Variants in CD44 observed in about 807,000 individuals in gnomAD.
CD44 encodes CD44 antigen.
In CD44, 49 loss-of-function variants were observed where a neutral mutation model predicts 88.8. The observed-to-expected ratio is 0.55, with a 90% CI of 0.44 to 0.70. The LOEUF is 0.70. CD44 is among the 30% of genes least tolerant of loss of function. The probability of loss-of-function intolerance (pLI) is 0.00; values close to 1 mark genes in which losing one functional copy is unlikely to be tolerated. For missense variants in CD44, 883 were observed against 913.8 expected, an observed-to-expected ratio of 0.97 and a Z score of 0.43; for synonymous variants, 325 against 312.3, an observed-to-expected ratio of 1.04 and a Z score of -0.43.
chr11:35,230,931 C>G lies in CD44; in HGVS notation c.*1598C>G, dbSNP rs190309609. The G allele has an allele frequency of 2.3e-3, 350 of 152,674 alleles. 2 individuals are homozygous for G. Among genetic ancestry groups the G allele is most frequent in the Non-Finnish European group, 4.0e-3 (273 of 68,244 alleles). The allele number at this position is 152,674 out of a possible 1,614,324, so 9.5% of individuals were successfully genotyped here. A position where few individuals can be genotyped will look rare whatever the true frequency, so the allele number is the denominator to read the frequency against. ...GCTTAACAGGCAATGCTTCTCAGAC[C>G]ACAAAGCAGAAAGAAGAAGAAAAGC... On this transcript the variant is annotated 3_prime_UTR_variant, in exon 18 of 18. Coordinates refer to ENST00000428726, the MANE Select transcript of CD44 (RefSeq NM_000610.4).
chr11:35,197,836 T>A, intron 6 of CD44: 1 of 312,876 alleles, frequency 3.2e-6, no homozygotes, highest in Non-Finnish European at 5.8e-6. Flanking sequence ...TGTGGGGGAG[T>A]TTTCATTAGC....
intron 1 of CD44, 140 bp downstream of exon 1, chr11:35,139,510 G>A: frequency 1.3e-6 from 1 of 800,000 alleles, no homozygotes; most frequent in Non-Finnish European, 2.2e-6. Context: ...GCTCCGGAAA[G>A]CAGGGCTGGG....
chr11:35,182,007 A>G (rs1338258513), intron 3 of CD44, among the ~76,000 whole-genome samples: 1 of 114,306 alleles, frequency 8.7e-6, no homozygotes, highest in Admixed American at 1.4e-4. Flanking sequence ...ATTTATATAT[A>G]TGTATATATG....
chr11:35,197,962 G>A lies in CD44; in HGVS notation c.797-159G>A, dbSNP rs1489878781. 23 of 580,802 alleles carry A rather than the reference G, an allele frequency of 4.0e-5. 1 individual carries two copies. The highest frequency in any genetic ancestry group is 3.4e-4 in the South Asian group (12 of 34,850). 36.0% of individuals were successfully genotyped at this position (580,802 alleles called of 1,614,324 possible). A position where few individuals can be genotyped will look rare whatever the true frequency, so the allele number is the denominator to read the frequency against. On this transcript the variant is annotated intron_variant, in intron 6 of 17. Coordinates refer to ENST00000428726, the MANE Select transcript of CD44 (RefSeq NM_000610.4). ...GTTTTGAGATTTATGTATTAGCTTC[G>A]GAGATCAGAACATAAGAATTTGGGG...
Position 35,219,391 on chromosome 11 carries a change from A to G in CD44, c.1945+4A>G, listed in dbSNP as rs767348396. ...ATAAGGACACCCCAAATTCCAGGTGAGTTTCAAACTTTGAGGCAGAAAAAC... is the reference window on the plus strand; with the variant it reads ...ATAAGGACACCCCAAATTCCAGGTGGGTTTCAAACTTTGAGGCAGAAAAAC... On this transcript the variant is annotated splice_donor_region_variant and intron_variant, in intron 16 of 17. Coordinates refer to ENST00000428726, the MANE Select transcript of CD44 (RefSeq NM_000610.4). The G allele has an allele frequency of 5.0e-6, 8 of 1,611,478 alleles. No homozygotes were observed. In the South Asian group the frequency reaches 8.8e-5, roughly 18 times the overall value.
At chr11:35,191,255 T>C (rs921755727) in intron 5 of CD44, among the ~76,000 whole-genome samples, 1 of 152,204 alleles carries the variant, frequency 6.6e-6, no homozygotes, top group African/African-American at 2.4e-5. Flanking sequence ...GTACTGTGAT[T>C]TCATTTAAGG....
chr11:35,188,938 GA>G lies in CD44; in HGVS notation c.437-884del, dbSNP rs111969965. ...GGGCAACAGAGTGAGACTCCATCTC[GA>G]AAAAAAAAAAAAGTTTCATTTGAGC... On this transcript the variant is annotated intron_variant, in intron 4 of 17. Transcript: ENST00000428726. Among the ~76,000 whole-genome samples the G allele has an allele frequency of 1.5e-3, 201 of 138,482 alleles. 1 individual carries two copies. The highest frequency in any genetic ancestry group is 8.3e-3 in the East Asian group (40 of 4,846). 90.8% of individuals were successfully genotyped at this position (138,482 alleles called of 152,430 possible).
At chr11:35,201,883 C>G in intron 9 of CD44, 96 bp downstream of exon 9, 2 of 1,231,370 alleles carry the variant, frequency 1.6e-6, no homozygotes, top group Non-Finnish European at 2.3e-6. Context: ...GCCGCATCTT[C>G]TATTTCCACT....
chr11:35,206,169 A>G lies in CD44; in HGVS notation c.1340A>G (p.Asp447Gly), dbSNP rs1353079587. Residue 447 changes from aspartate to glycine, a missense_variant, in exon 11 of 18, where the codon GAC becomes GGC. Coordinates refer to ENST00000428726, the MANE Select transcript of CD44 (RefSeq NM_000610.4). ...MQGRTTPSPE[D>G]SSWTDFFNPI... ...GGAAGGACAACACCAAGCCCAGAGG[A>G]CAGTTCCTGGACTGATTTCTTCAAC... 1 of 1,612,300 alleles carries G rather than the reference A, an allele frequency of 6.2e-7. No homozygotes were observed. Among genetic ancestry groups the G allele is most frequent in the South Asian group, 1.1e-5 (1 of 90,806 alleles).
rs773614663 is a variant in CD44 at position 35,176,646 on chromosome 11, A to T, written c.139A>T (p.Thr47Ser). ...EKNGRYSISR[T>S]EAADLCKAFN... ...AAATGGTCGCTACAGCATCTCTCGG[A>T]CGGAGGCCGCTGACCTCTGCAAGGC... The change falls in exon 2 of 18, where the codon ACG becomes TCG. Residue 47 changes from threonine to serine, a missense_variant. Transcript: ENST00000428726. 7 of 1,614,198 alleles carry T rather than the reference A, an allele frequency of 4.3e-6. No homozygotes were observed. Among genetic ancestry groups the T allele is most frequent in the Non-Finnish European group, 5.9e-6 (7 of 1,180,014 alleles).
chr11:35,218,207 C>T (rs1321671463), intron 15 of CD44, among the ~76,000 whole-genome samples: 3 of 152,138 alleles, frequency 2.0e-5, no homozygotes, highest in Non-Finnish European at 2.9e-5. Flanking sequence ...TGTTCATCTC[C>T]TTATTTTGCT....
At chr11:35,140,474 G>A (rs1431353420) in intron 1 of CD44, among the ~76,000 whole-genome samples, 1 of 152,204 alleles carries the variant, frequency 6.6e-6, no homozygotes, top group African/African-American at 2.4e-5. Flanking sequence ...GGAGTACTGA[G>A]AAATTGAAAC....
intron 3 of CD44, among the ~76,000 whole-genome samples, chr11:35,182,835 G>A (rs1945288025): frequency 6.6e-6 from 1 of 152,172 alleles, no homozygotes; most frequent in African/African-American, 2.4e-5. Context: ...AAATTATGTA[G>A]TTGCATACCC....
In CD44 at chr11:35,148,648, T is replaced by C. The variant is rs1409382472; in HGVS notation, c.67+9278T>C. Among the ~76,000 whole-genome samples, 3 of 152,232 alleles carry C rather than the reference T, an allele frequency of 2.0e-5. No individual in the cohort carries two copies. In the East Asian group the frequency reaches 5.8e-4, roughly 29 times the overall value. ...CATGTAATGGTTATCTCTTTTCTTT[T>C]GCCAGTGAGCATAAAAGCTCCTTAG... is the stretch of plus-strand genomic sequence containing the variant. On this transcript the variant is annotated intron_variant, in intron 1 of 17. Transcript: ENST00000428726.
At chr11:35,152,629 A>T (rs1467674146) in intron 1 of CD44, among the ~76,000 whole-genome samples, 1 of 152,202 alleles carries the variant, frequency 6.6e-6, no homozygotes, top group African/African-American at 2.4e-5. Flanking sequence ...ATTACCTAGG[A>T]TAACTTTCGC....
intron 16 of CD44, among the ~76,000 whole-genome samples, chr11:35,219,759 C>T (rs1447787889): frequency 6.6e-6 from 1 of 152,156 alleles, no homozygotes; most frequent in East Asian, 1.9e-4. Context: ...TTTCTGGGGT[C>T]CAAGGTGAAG....
intron 3 of CD44, among the ~76,000 whole-genome samples, chr11:35,184,374 G>C (rs1255456555): frequency 6.6e-6 from 1 of 152,176 alleles, no homozygotes; most frequent in Non-Finnish European, 1.5e-5. Context: ...CCAGTGTACT[G>C]TTACTTGCAG....
chr11:35,224,696 C>T (rs1565165188), intron 17 of CD44, among the ~76,000 whole-genome samples: 1 of 152,144 alleles, frequency 6.6e-6, no homozygotes, highest in Non-Finnish European at 1.5e-5. Context: ...CATGATAGTG[C>T]CACTACAGCC....
intron 11 of CD44, among the ~76,000 whole-genome samples, chr11:35,207,208 A>G (rs976867272): frequency 4.6e-5 from 7 of 152,226 alleles, no homozygotes; most frequent in African/African-American, 1.7e-4. Context: ...TTAATATTTT[A>G]GTGTTGAATA....
Sources: allele counts gnomAD v4.1 joint callset (sites outside exome capture counted in the v4.1 genomes callset), GRCh38; gene constraint gnomAD v4.1.1; transcripts MANE v1.5; gene names NCBI Gene and HGNC (gene_info 2026-07-23, HGNC 2026-07-21).